Variants in DST observed in about 807,000 individuals in gnomAD.
DST encodes dystonin, also known as bullous pemphigoid antigen.
DST carries 253 observed loss-of-function variants against 875.2 expected under a neutral mutation model. The ratio of observed to expected loss-of-function variants is 0.29; its 90% confidence interval spans 0.26 to 0.32. The LOEUF (loss-of-function observed/expected upper bound fraction) is 0.32. Among genes scored for constraint, DST ranks in the 10% least tolerant of loss-of-function variants. The pLI, the probability that DST is intolerant of heterozygous loss-of-function variation, is 1.00. For missense variants in DST, 8,287 were observed against 9,111.6 expected (o/e 0.91, Z 3.68); for synonymous variants, 3,124 against 3,197.1 (o/e 0.98, Z 0.77).
At chr6:56,500,039 A>C (rs1475155388) in intron 80 of DST, among the ~76,000 whole-genome samples, 1 of 152,156 alleles carries the variant, frequency 6.6e-6, no homozygotes, top group Non-Finnish European at 1.5e-5. Context: ...AAGGTAATAG[A>C]AAAATAAAAT....
Position 56,629,269 on chromosome 6 carries a change from G to T in DST, c.4456C>A (p.His1486Asn), listed in dbSNP as rs769659675. Residue 1486 changes from histidine to asparagine, a missense_variant, in exon 32 of 104, where the codon CAT (histidine) becomes AAT (asparagine). Transcript: ENST00000680361. Reference protein sequence around the residue: ...DQLVERWQNVHVQIDNRLRDL... With the variant: ...DQLVERWQNVNVQIDNRLRDL... ...ACTAACCTGTTGTCAATCTGCACATGAACATTTTGCCACCTTTCAACTAAT... is the reference window on the plus strand; with the variant it reads ...ACTAACCTGTTGTCAATCTGCACATTAACATTTTGCCACCTTTCAACTAAT... The T allele has an allele frequency of 6.2e-7, 1 of 1,613,644 alleles. No individual in the cohort carries two copies. Among genetic ancestry groups the T allele is most frequent in the South Asian group, 1.1e-5 (1 of 91,034 alleles).
At chr6:56,766,213 A>C (rs34966024) in intron 4 of DST, among the ~76,000 whole-genome samples, 29,078 of 152,114 alleles carry the variant, frequency 0.19, 3,030 homozygotes, top group African/African-American at 0.26. Flanking sequence ...ATACAGTATA[A>C]AAAGCATGTT....
At chr6:56,701,785 C>A (rs1459402284) in intron 8 of DST, 103 bp downstream of exon 8, 2 of 694,776 alleles carry the variant, frequency 2.9e-6, no homozygotes, top group Non-Finnish European at 4.9e-6. Context: ...TTACTGGTTA[C>A]AATTCACAGG....
chr6:56,644,479 G>A lies in DST; in HGVS notation c.1778+1387C>T, dbSNP rs185900941. ...GAGCACCTCTAATGTTGTGTCAGGC[G>A]CTGTGTAAAGCACTGGCAACGCAAG... is the stretch of plus-strand genomic sequence containing the variant. On this transcript the variant is annotated intron_variant, in intron 15 of 103. Transcript: ENST00000680361. 3.9e-5 allele frequency among the ~76,000 whole-genome samples: 6 copies of A among 152,264 alleles called. No homozygotes were observed. In the East Asian group the frequency reaches 9.7e-4, roughly 25 times the overall value.
Position 56,593,755 on chromosome 6 carries a change from C to G in DST, c.12634G>C (p.Asp4212His). The G allele has an allele frequency of 6.2e-7, 1 of 1,613,950 alleles. No individual in the cohort carries two copies. The highest frequency in any genetic ancestry group is 8.5e-7 in the Non-Finnish European group (1 of 1,179,880). ...GCAGAAGTATCAACCTTGCCACCGTCTCTCTTGCTGCAAGATTTGGCAGCT... is the reference window on the plus strand; with the variant it reads ...GCAGAAGTATCAACCTTGCCACCGTGTCTCTTGCTGCAAGATTTGGCAGCT... Reference protein sequence around the residue: ...LEAAKSCSKRDGGKVDTSATH... With the variant: ...LEAAKSCSKRHGGKVDTSATH... The change falls in exon 48 of 104, where the codon GAC becomes CAC. Residue 4212 changes from aspartate to histidine, a missense_variant. By Grantham distance (81) the Asp-to-His change is moderately conservative. Coordinates refer to ENST00000680361, the MANE Select transcript of DST (RefSeq NM_001374736.1).
intron 4 of DST, among the ~76,000 whole-genome samples, chr6:56,762,958 C>A (rs1195607413): frequency 1.3e-5 from 2 of 148,602 alleles, no homozygotes; most frequent in Non-Finnish European, 3.0e-5. Flanking sequence ...TCAAGCGATT[C>A]TCCTACCTCA....
At chr6:56,694,748 G>A (rs541134891) in intron 9 of DST, among the ~76,000 whole-genome samples, 3 of 152,210 alleles carry the variant, frequency 2.0e-5, no homozygotes, top group East Asian at 1.9e-4. Flanking sequence ...TGGGCCTAGT[G>A]GGGGGTGTCT....
At chr6:56,938,178 T>C (rs930818751) in intron 2 of DST, among the ~76,000 whole-genome samples, 8 of 151,764 alleles carry the variant, frequency 5.3e-5, no homozygotes, top group African/African-American at 1.9e-4. Flanking sequence ...CTGTTGCCTA[T>C]GCTGGAATGC....
chr6:56,473,888 TATCCAAGACTGG>T lies in DST; in HGVS notation c.21967_21978del (p.Pro7323_Asp7326del), dbSNP rs2095032806. 2 of 1,599,806 alleles carry T rather than the reference TATCCAAGACTGG, an allele frequency of 1.3e-6. No individual in the cohort carries two copies. The highest frequency in any genetic ancestry group is 2.3e-5 in the South Asian group (2 of 88,416). On this transcript the variant is annotated inframe_deletion, in exon 93 of 104. Coordinates refer to ENST00000680361, the MANE Select transcript of DST (RefSeq NM_001374736.1). ...CACTGCTTACTTCCTGCTCGTCCCT[TATCCAAGACTGG>T]AATATGGGATTGTAATGAGGAAGGA...
intron 95 of DST, 91 bp downstream of exon 95, chr6:56,471,015 T>C (rs2094864063): frequency 6.0e-6 from 8 of 1,334,012 alleles, no homozygotes; most frequent in African/African-American, 1.5e-5. Context: ...AATGCTTTAT[T>C]GTAACACAAG....
chr6:56,573,679 A>G lies in DST; in HGVS notation c.13236T>C (p.Ile4412=), dbSNP rs773931543. Residue 4412 remains isoleucine (I), a splice_region_variant and synonymous_variant, in exon 51 of 104, where the codon ATT becomes ATC. Coordinates refer to ENST00000680361, the MANE Select transcript of DST (RefSeq NM_001374736.1). Reference sequence around the variant, plus strand: ...GGGACTTTTTTTTAAAGTCACTTACAATGTTTTTACTGATAATATCCTGAA... The same window carrying G: ...GGGACTTTTTTTTAAAGTCACTTACGATGTTTTTACTGATAATATCCTGAA... ...TALQDIISKN[I]MLEQDIAGRQ... 2.5e-6 allele frequency: 4 copies of G among 1,607,948 alleles called. No individual in the cohort carries two copies. The highest frequency in any genetic ancestry group is 3.4e-6 in the Non-Finnish European group (4 of 1,175,790).
At chr6:56,493,841 C>T (rs1489801373) in intron 83 of DST, among the ~76,000 whole-genome samples, 169 bp downstream of exon 83, 1 of 151,994 alleles carries the variant, frequency 6.6e-6, no homozygotes. Flanking sequence ...CATGTTAAAA[C>T]AGAATATTAT....
chr6:56,801,298 A>AT (rs1208473046), intron 4 of DST, among the ~76,000 whole-genome samples: 1 of 152,126 alleles, frequency 6.6e-6, no homozygotes, highest in African/African-American at 2.4e-5. Flanking sequence ...CACTCAGGAG[A>AT]TACTTGTTTA....
At chr6:56,661,860 T>C (rs1384578816) in intron 10 of DST, among the ~76,000 whole-genome samples, 1 of 152,182 alleles carries the variant, frequency 6.6e-6, no homozygotes, top group Non-Finnish European at 1.5e-5. Context: ...AGTGCTGGGA[T>C]TACAGGTGTG....
intron 5 of DST, among the ~76,000 whole-genome samples, chr6:56,706,561 C>G (rs907260773): frequency 1.3e-5 from 2 of 152,130 alleles, no homozygotes; most frequent in African/African-American, 4.8e-5. Context: ...ACTGCAATTT[C>G]CTACTCATGG....
chr6:56,652,220 A>G (rs1294316784), intron 10 of DST, among the ~76,000 whole-genome samples: 1 of 152,240 alleles, frequency 6.6e-6, no homozygotes, highest in Non-Finnish European at 1.5e-5. Context: ...TACATGAGAG[A>G]GGAAAAGATT....
At chr6:56,835,524 T>A (rs1008492874) in intron 4 of DST, among the ~76,000 whole-genome samples, 1 of 152,196 alleles carries the variant, frequency 6.6e-6, no homozygotes, top group Admixed American at 6.5e-5. Context: ...AAAAATAATG[T>A]GTGCATTTTT....
chr6:56,757,314 G>T (rs1460896058), intron 4 of DST, among the ~76,000 whole-genome samples: 1 of 152,126 alleles, frequency 6.6e-6, no homozygotes, highest in Non-Finnish European at 1.5e-5. Flanking sequence ...TTATAATAAT[G>T]GGGAAAGAAT....
At chr6:56,465,791 A>G (rs1050889101) in intron 99 of DST, among the ~76,000 whole-genome samples, 3 of 151,682 alleles carry the variant, frequency 2.0e-5, no homozygotes, top group African/African-American at 7.3e-5. Context: ...AATTGTTTGG[A>G]AAATCGTAGA....
Sources: allele counts gnomAD v4.1 joint callset (sites outside exome capture counted in the v4.1 genomes callset), GRCh38; gene constraint gnomAD v4.1.1; transcripts MANE v1.5; gene names NCBI Gene and HGNC (gene_info 2026-07-23, HGNC 2026-07-21).